The following MAP3K8 variants were observed in gnomAD, a reference collection of about 807,000 sequenced individuals.
The protein encoded by MAP3K8 is mitogen-activated protein kinase kinase kinase 8.
In MAP3K8, 22 loss-of-function variants were observed where a neutral mutation model predicts 45.8. The observed-to-expected ratio is 0.48, with a 90% CI of 0.34 to 0.69. The LOEUF (loss-of-function observed/expected upper bound fraction) is 0.69, where lower values mean the gene tolerates loss of function less well. Among genes scored for constraint, MAP3K8 ranks in the 30% least tolerant of loss-of-function variants. MAP3K8 has a pLI of 0.01. For missense variants in MAP3K8, 419 were observed against 585.0 expected (o/e 0.72, Z 2.93); for synonymous variants, 223 against 214.3 (o/e 1.04, Z -0.36).
chr10:30,457,439 A>T (rs1212258877), intron 6 of MAP3K8, among the ~76,000 whole-genome samples: 1 of 152,172 alleles, frequency 6.6e-6, no homozygotes, highest in Admixed American at 6.5e-5. Flanking sequence ...CATTGCAGAT[A>T]TTTAGAAGGT....
At chr10:30,447,030 C>A (rs902098403) in intron 3 of MAP3K8, among the ~76,000 whole-genome samples, 1 of 152,126 alleles carries the variant, frequency 6.6e-6, no homozygotes, top group Non-Finnish European at 1.5e-5. Flanking sequence ...GTATTACAGG[C>A]GTTATCCACT....
intron 4 of MAP3K8, among the ~76,000 whole-genome samples, chr10:30,449,075 C>A (rs1836445398): frequency 6.6e-6 from 1 of 152,116 alleles, no homozygotes; most frequent in East Asian, 1.9e-4. Flanking sequence ...AATAGCCAGA[C>A]ACGAAATGAG....
chr10:30,444,450 C>T (rs960335603), intron 3 of MAP3K8, among the ~76,000 whole-genome samples: 2 of 152,032 alleles, frequency 1.3e-5, no homozygotes, highest in East Asian at 1.9e-4. Context: ...GCAACAAGAA[C>T]GAAACTCCAT....
At chr10:30,452,920 C>G (rs1836602059) in intron 6 of MAP3K8, among the ~76,000 whole-genome samples, 1 of 151,718 alleles carries the variant, frequency 6.6e-6, no homozygotes, top group African/African-American at 2.4e-5. Context: ...CTCAAGTGAT[C>G]CTCCCACCTC....
At position 30,437,362 on chromosome 10, in the gene MAP3K8, CT is replaced by C; in HGVS notation, c.-65del. On this transcript the variant is annotated 5_prime_UTR_variant, in exon 2 of 9. An upstream open reading frame in the 5' UTR loses its in-frame stop. Transcript: ENST00000263056. ...CATGCCCCTGACACTGCACTGAGCACTTTATGAGCTTGAACTCTGTTAATCC... is the reference window on the plus strand; with the variant it reads ...CATGCCCCTGACACTGCACTGAGCACTTATGAGCTTGAACTCTGTTAATCC... 1.1e-6 allele frequency: 1 copy of C among 948,038 alleles called. No homozygotes were observed. The highest frequency in any genetic ancestry group is 1.3e-6 in the Non-Finnish European group (1 of 795,754). 58.7% of individuals were successfully genotyped at this position (948,038 alleles called of 1,614,324 possible).
intron 5 of MAP3K8, 134 bp downstream of exon 5, chr10:30,450,653 T>C: frequency 1.4e-6 from 1 of 704,464 alleles, no homozygotes. Flanking sequence ...CCGTCTTCCT[T>C]CTCCAGAGAC....
chr10:30,457,402 A>G (rs1056466710), intron 6 of MAP3K8, among the ~76,000 whole-genome samples: 2 of 152,178 alleles, frequency 1.3e-5, no homozygotes, highest in Admixed American at 1.3e-4. Context: ...TTGTGTTAAT[A>G]CCCTATAGAC....
At chr10:30,449,737 T>C (rs1370444449) in intron 4 of MAP3K8, among the ~76,000 whole-genome samples, 1 of 152,180 alleles carries the variant, frequency 6.6e-6, no homozygotes, top group East Asian at 1.9e-4. Flanking sequence ...CTCGAACTCC[T>C]AGCCTCAAGT....
At chr10:30,438,731 T>G in intron 2 of MAP3K8, 185 bp from the exon 3 acceptor site, 2 of 493,424 alleles carry the variant, frequency 4.1e-6, no homozygotes, top group South Asian at 5.1e-5. Flanking sequence ...GGACTAAAGG[T>G]TATCTTAGGT....
chr10:30,445,283 G>A (rs1300975107), intron 3 of MAP3K8, among the ~76,000 whole-genome samples: 33 of 152,104 alleles, frequency 2.2e-4, no homozygotes, highest in Non-Finnish European at 8.8e-5. Context: ...TGTAATCCCA[G>A]CTACTTGGGA....
chr10:30,457,380 C>T (rs1836773870), intron 6 of MAP3K8, among the ~76,000 whole-genome samples: 1 of 152,136 alleles, frequency 6.6e-6, no homozygotes, highest in South Asian at 2.1e-4. Flanking sequence ...AAGTTTTTCC[C>T]TTTCAAGAAA....
intron 3 of MAP3K8, among the ~76,000 whole-genome samples, chr10:30,441,761 A>G (rs952567342): frequency 6.6e-6 from 1 of 152,212 alleles, no homozygotes; most frequent in Non-Finnish European, 1.5e-5. Context: ...TTCATAAATG[A>G]TAGCCTAGGA....
At chr10:30,457,979 C>A in intron 6 of MAP3K8, 105 bp from the exon 7 acceptor site, 1 of 930,538 alleles carries the variant, frequency 1.1e-6, no homozygotes, top group Non-Finnish European at 1.5e-6. Flanking sequence ...CTGCATTATT[C>A]TCCTAGTTTA....
Position 30,438,927 on chromosome 10 carries a change from A to G in MAP3K8, c.-12A>G. The G allele has an allele frequency of 3.2e-6, 5 of 1,573,526 alleles. No individual in the cohort carries two copies. Among genetic ancestry groups the G allele is most frequent in the Non-Finnish European group, 4.3e-6 (5 of 1,152,650 alleles). On this transcript the variant is annotated 5_prime_UTR_variant, in exon 3 of 9. Coordinates refer to ENST00000263056, the MANE Select transcript of MAP3K8 (RefSeq NM_005204.4). Reference sequence around the variant, plus strand: ...GTTTTCTTTCCTAGACTCTCCAGAAAGAGCAACAGTAATGGAGTACATGAG... The same window carrying G: ...GTTTTCTTTCCTAGACTCTCCAGAAGGAGCAACAGTAATGGAGTACATGAG...
intron 8 of MAP3K8, among the ~76,000 whole-genome samples, chr10:30,459,935 C>T (rs901680866): frequency 4.6e-5 from 7 of 151,822 alleles, no homozygotes; most frequent in Non-Finnish European, 7.4e-5. Context: ...CTCTGCCTCC[C>T]GGTTTCAAGT....
Position 30,438,967 on chromosome 10 carries a change from A to G in MAP3K8, c.29A>G (p.Asn10Ser). 1 of 1,611,546 alleles carries G rather than the reference A, an allele frequency of 6.2e-7. No individual in the cohort carries two copies. The highest frequency in any genetic ancestry group is 1.1e-5 in the South Asian group (1 of 90,900). ...GAGTACATGAGCACTGGAAGTGACA[A>G]TAAAGAAGAGATTGATTTATTAATT... The part of the protein sequence containing the change: MEYMSTGSD[N>S]KEEIDLLIKH... The change falls in exon 3 of 9, where the codon AAT becomes AGT. Residue 10 changes from asparagine (N) to serine (S), a missense_variant. Asn to Ser is a conservative substitution (Grantham distance 46). Around this residue, in one of 3 missense-constraint regions of MAP3K8, gnomAD observed 102 missense variants for 93.5 expected, o/e 1.09. Transcript: ENST00000263056.
At chr10:30,438,524 C>T (rs7910530) in intron 2 of MAP3K8, among the ~76,000 whole-genome samples, 1,569 of 152,274 alleles carry the variant, frequency 0.01, 25 homozygotes, top group African/African-American at 0.035. Flanking sequence ...GGTGCCACTT[C>T]GGGGGAATAG....
rs1325344717 is a variant in MAP3K8, at chr10:30,439,190, G to T, written c.252G>T (p.Leu84Phe). The part of the protein sequence containing the change: ...SSVRYGTVED[L>F]LAFANHISNT... ...TCAGATATGGAACTGTGGAGGATTT[G>T]CTTGCTTTTGCAAACCATATATCCA... The change falls in exon 3 of 9, where the codon TTG becomes TTT. Residue 84 changes from leucine (L) to phenylalanine (F), a missense_variant. Leu to Phe is a conservative substitution (Grantham distance 22, BLOSUM62 0). This residue lies in a region of MAP3K8 where 209 missense variants were observed against 367.3 expected (regional missense o/e 0.57). Coordinates refer to ENST00000263056, the MANE Select transcript of MAP3K8 (RefSeq NM_005204.4). 1 of 1,614,196 alleles carries T rather than the reference G, an allele frequency of 6.2e-7. No homozygotes were observed. The highest frequency in any genetic ancestry group is 8.5e-7 in the Non-Finnish European group (1 of 1,180,048).
chr10:30,439,064 T>A lies in MAP3K8; in HGVS notation c.126T>A (p.Tyr42Ter). ...NLYASEEPAV[Y>*]EPSLMTMCQD... ...ATGCAAGTGAAGAGCCAGCAGTTTA[T>A]GAACCCAGTCTAATGACCATGTGTC... Residue 42 changes from tyrosine to a stop codon, truncating the protein, a stop_gained, in exon 3 of 9, where the codon TAT (tyrosine) becomes TAA (stop). Coordinates refer to ENST00000263056, the MANE Select transcript of MAP3K8 (RefSeq NM_005204.4). LOFTEE classifies it high-confidence loss of function. The A allele has an allele frequency of 1.2e-6, 2 of 1,614,240 alleles. No individual in the cohort carries two copies. Among genetic ancestry groups the A allele is most frequent in the African/African-American group, 1.3e-5 (1 of 75,078 alleles).
Sources: allele counts gnomAD v4.1 joint callset (sites outside exome capture counted in the v4.1 genomes callset), GRCh38; gene constraint gnomAD v4.1.1; regional missense constraint gnomAD v4.1.1; transcripts MANE v1.5; gene names NCBI Gene and HGNC (gene_info 2026-07-23, HGNC 2026-07-21).